Variants in ODAD2 observed in about 807,000 individuals in gnomAD.
ODAD2 encodes outer dynein arm-docking complex subunit 2.
A neutral mutation model predicts 106.8 loss-of-function variants in ODAD2; 89 were observed. The observed-to-expected ratio is 0.83, with a 90% CI of 0.70 to 0.99. The LOEUF (loss-of-function observed/expected upper bound fraction) is 0.99. Ranked by LOEUF, ODAD2 falls within the 50% of genes least tolerant of loss-of-function variation. The pLI is 0.00. For synonymous variants in ODAD2, 404 were observed against 436.2 expected (o/e 0.93, Z 0.92); for missense variants, 1,168 against 1,238.5 (o/e 0.94, Z 0.85).
In ODAD2 at chr10:27,821,010, T is replaced by C. The variant is rs367630312; in HGVS notation, c.3022-8385A>G. On this transcript the variant is annotated intron_variant, in intron 19 of 19. Coordinates refer to ENST00000305242, the MANE Select transcript of ODAD2 (RefSeq NM_018076.5). ...GGTCAGGCTGGTTTCAAATTCCTGATCTTAAGTGATCTGCCCACCTCAGCC... is the reference window on the plus strand; with the variant it reads ...GGTCAGGCTGGTTTCAAATTCCTGACCTTAAGTGATCTGCCCACCTCAGCC... Among the ~76,000 whole-genome samples the C allele has an allele frequency of 1.9e-4, 29 of 152,234 alleles. No individual in the cohort carries two copies. In the East Asian group the frequency reaches 2.5e-3, roughly 13 times the overall value.
intron 7 of ODAD2, among the ~76,000 whole-genome samples, chr10:27,972,735 CACCA>C (rs1214951046): frequency 6.6e-6 from 1 of 152,084 alleles, no homozygotes; most frequent in Non-Finnish European, 1.5e-5. Context: ...ATTGTATATT[CACCA>C]AGCAACAGAA....
At chr10:27,997,583 T>C (rs1850629876) in intron 1 of ODAD2, 1 of 152,216 alleles carries the variant, frequency 6.6e-6, no homozygotes, top group Admixed American at 6.5e-5. Flanking sequence ...AAATGTAACA[T>C]TTGAATCTAT....
At chr10:27,877,789 C>G (rs1001645071) in intron 17 of ODAD2, among the ~76,000 whole-genome samples, 1 of 151,958 alleles carries the variant, frequency 6.6e-6, no homozygotes, top group African/African-American at 2.4e-5. Flanking sequence ...ATGGCAAAAC[C>G]CTTAATAATA....
At chr10:27,907,614 G>A in intron 17 of ODAD2, 49 bp downstream of exon 17, 2 of 1,321,788 alleles carry the variant, frequency 1.5e-6, no homozygotes, top group Non-Finnish European at 2.2e-6. Flanking sequence ...GCATTTTTCA[G>A]TATAGTATTA....
At chr10:27,869,068 T>C (rs1840664357) in intron 17 of ODAD2, among the ~76,000 whole-genome samples, 1 of 151,822 alleles carries the variant, frequency 6.6e-6, no homozygotes, top group Admixed American at 6.6e-5. Context: ...GGTGATTAAT[T>C]TAAAAAAGCA....
chr10:27,833,050 C>T (rs7085331), intron 19 of ODAD2, among the ~76,000 whole-genome samples: 105,751 of 152,000 alleles, frequency 0.7, 36,916 homozygotes, highest in Middle Eastern at 0.75. Flanking sequence ...ATTGGCTTTC[C>T]CCCTTGCCTG....
intron 19 of ODAD2, among the ~76,000 whole-genome samples, chr10:27,826,541 G>A (rs746772221): frequency 3.3e-5 from 5 of 151,922 alleles, no homozygotes; most frequent in South Asian, 2.1e-4. Context: ...TAGAAATCAC[G>A]AAAAGGGAAG....
At chr10:27,938,935 C>CA (rs1243913746) in intron 14 of ODAD2, among the ~76,000 whole-genome samples, 1 of 152,088 alleles carries the variant, frequency 6.6e-6, no homozygotes, top group Non-Finnish European at 1.5e-5. Flanking sequence ...CTTGATGCTG[C>CA]ACATCTTAAG....
intron 15 of ODAD2, among the ~76,000 whole-genome samples, chr10:27,935,518 C>G (rs1164035019): frequency 6.6e-6 from 1 of 152,124 alleles, no homozygotes; most frequent in Non-Finnish European, 1.5e-5. Flanking sequence ...AGATTCCACT[C>G]TACTAGGGTT....
intron 9 of ODAD2, among the ~76,000 whole-genome samples, chr10:27,966,331 A>T (rs1203911275): frequency 1.3e-5 from 2 of 152,194 alleles, no homozygotes; most frequent in East Asian, 3.8e-4. Context: ...CATATAGTAG[A>T]ATAAGCCTAA....
At chr10:27,844,577 G>A (rs1488067850) in intron 19 of ODAD2, among the ~76,000 whole-genome samples, 1 of 152,174 alleles carries the variant, frequency 6.6e-6, no homozygotes, top group Non-Finnish European at 1.5e-5. Context: ...TATGACCTGG[G>A]TGATTTGGGG....
intron 14 of ODAD2, among the ~76,000 whole-genome samples, chr10:27,938,320 C>CATTT (rs1846139563): frequency 6.6e-6 from 1 of 152,130 alleles, no homozygotes; most frequent in Non-Finnish European, 1.5e-5. Context: ...TGAGTAGGCC[C>CATTT]TGCTCCAATA....
chr10:27,937,155 G>A (rs144064189), intron 14 of ODAD2, among the ~76,000 whole-genome samples: 395 of 152,194 alleles, frequency 2.6e-3, no homozygotes, highest in African/African-American at 9.1e-3. Flanking sequence ...CTCCTGAGGC[G>A]AAGGTCAGTG....
intron 10 of ODAD2, among the ~76,000 whole-genome samples, chr10:27,947,196 A>G (rs777157993): frequency 7.9e-5 from 12 of 152,184 alleles, no homozygotes; most frequent in Non-Finnish European, 1.6e-4. Context: ...TCCTCTCTTT[A>G]TAACTGTCAG....
chr10:27,899,630 AG>A (rs1438654412), intron 17 of ODAD2, among the ~76,000 whole-genome samples: 1 of 151,694 alleles, frequency 6.6e-6, no homozygotes, highest in African/African-American at 2.4e-5. Flanking sequence ...TTGGTGGGGG[AG>A]GGGAGTCTGC....
chr10:27,960,752 G>A (rs1044168944), intron 10 of ODAD2, among the ~76,000 whole-genome samples: 2 of 152,208 alleles, frequency 1.3e-5, no homozygotes, highest in Admixed American at 1.3e-4. Context: ...ATTAAATCAA[G>A]CAAAGCCACT....
intron 9 of ODAD2, among the ~76,000 whole-genome samples, chr10:27,963,148 C>T (rs1040722942): frequency 1.5e-4 from 23 of 152,032 alleles, no homozygotes; most frequent in African/African-American, 5.1e-4. Flanking sequence ...GCTGGACTTA[C>T]AGGCATGCGC....
intron 1 of ODAD2, among the ~76,000 whole-genome samples, chr10:27,996,245 T>A (rs746767014): frequency 6.6e-6 from 1 of 152,190 alleles, no homozygotes; most frequent in Non-Finnish European, 1.5e-5. Flanking sequence ...AAATATAGAA[T>A]AAAATTGGCT....
At chr10:27,974,526 T>A (rs1849063280) in intron 7 of ODAD2, among the ~76,000 whole-genome samples, 2 of 152,186 alleles carry the variant, frequency 1.3e-5, no homozygotes, top group Admixed American at 6.5e-5. Flanking sequence ...TTGCTGTAGA[T>A]CAGATGGTTG....
Sources: allele counts gnomAD v4.1 joint callset (sites outside exome capture counted in the v4.1 genomes callset), GRCh38; gene constraint gnomAD v4.1.1; transcripts MANE v1.5; gene names NCBI Gene and HGNC (gene_info 2026-07-23, HGNC 2026-07-21).